Variants in RMST observed in about 807,000 individuals in gnomAD.
RMST encodes long intergenic non-protein coding RNA 54.
chr12:97,564,192 G>A, exon 14 of RMST: 2 of 221,504 alleles, frequency 9.0e-6, no homozygotes, highest in South Asian at 1.3e-4. Flanking sequence ...CAGTCGGGTA[G>A]GCAGCATTCA....
At chr12:97,502,857 G>A (rs1878238766) in intron 10 of RMST, among the ~76,000 whole-genome samples, 1 of 152,180 alleles carries the variant, frequency 6.6e-6, no homozygotes, top group South Asian at 2.1e-4. Flanking sequence ...AAATAAATAA[G>A]AGTTCTAAAT....
At chr12:97,532,126 T>C (rs1028832644) in intron 11 of RMST, among the ~76,000 whole-genome samples, 28 of 151,980 alleles carry the variant, frequency 1.8e-4, no homozygotes, top group African/African-American at 6.8e-4. Context: ...TAAAATTTAA[T>C]TTCATCAGTA....
chr12:97,521,056 G>A (rs1268772951), intron 10 of RMST, among the ~76,000 whole-genome samples: 2 of 152,174 alleles, frequency 1.3e-5, no homozygotes, highest in Admixed American at 6.5e-5. Flanking sequence ...TGTGAGGTGG[G>A]AGAGAAGGAA....
At chr12:97,483,769 C>T (rs1175964175) in intron 5 of RMST, among the ~76,000 whole-genome samples, 1 of 152,148 alleles carries the variant, frequency 6.6e-6, no homozygotes, top group Non-Finnish European at 1.5e-5. Context: ...TTAATTGATT[C>T]TTGTCATTTC....
intron 11 of RMST, among the ~76,000 whole-genome samples, chr12:97,538,875 A>G (rs1342605680): frequency 1.3e-5 from 2 of 151,442 alleles, no homozygotes; most frequent in African/African-American, 2.4e-5. Flanking sequence ...ATTTGTGAAA[A>G]TGATTCACAA....
intron 10 of RMST, among the ~76,000 whole-genome samples, chr12:97,525,910 G>A (rs1391665959): frequency 2.0e-5 from 3 of 152,046 alleles, no homozygotes; most frequent in African/African-American, 2.4e-5. Flanking sequence ...CAGTGGTGGC[G>A]TTAGATTCTC....
intron 10 of RMST, among the ~76,000 whole-genome samples, chr12:97,511,078 G>A (rs746158007): frequency 5.9e-5 from 9 of 151,730 alleles, no homozygotes; most frequent in African/African-American, 2.2e-4. Flanking sequence ...CTGGAGCAGA[G>A]GAGGGAAATT....
chr12:97,519,436 G>T (rs1383685379), intron 10 of RMST, among the ~76,000 whole-genome samples: 1 of 152,180 alleles, frequency 6.6e-6, no homozygotes, highest in African/African-American at 2.4e-5. Context: ...AAAAGCTAAT[G>T]CTTACCATTT....
chr12:97,495,240 G>A (rs1267361890), intron 9 of RMST, among the ~76,000 whole-genome samples: 3 of 151,918 alleles, frequency 2.0e-5, no homozygotes, highest in Admixed American at 2.0e-4. Context: ...GACTTTTGAT[G>A]TGTGAATTCT....
chr12:97,476,962 G>A (rs1048002980), intron 5 of RMST, among the ~76,000 whole-genome samples: 2 of 152,154 alleles, frequency 1.3e-5, no homozygotes, highest in African/African-American at 4.8e-5. Context: ...CTTTCCAGAG[G>A]TTGCTAGCAA....
At chr12:97,555,134 C>G (rs111744390) in intron 11 of RMST, among the ~76,000 whole-genome samples, 18 of 152,146 alleles carry the variant, frequency 1.2e-4, no homozygotes, top group Admixed American at 6.6e-5. Context: ...GCATGTCCCC[C>G]CCAAAAGACC....
intron 5 of RMST, among the ~76,000 whole-genome samples, chr12:97,474,276 G>A (rs944294026): frequency 6.6e-6 from 1 of 152,082 alleles, no homozygotes; most frequent in Non-Finnish European, 1.5e-5. Context: ...GGGAAGCAAG[G>A]TTCGCCATCC....
At chr12:97,542,073 C>A (rs551840763) in intron 11 of RMST, among the ~76,000 whole-genome samples, 5 of 151,912 alleles carry the variant, frequency 3.3e-5, no homozygotes, top group African/African-American at 9.6e-5. Flanking sequence ...AGCATTTATT[C>A]CTTTTTGCAC....
At chr12:97,491,961 A>C (rs373514239) in intron 5 of RMST, 1 of 533,588 alleles carries the variant, frequency 1.9e-6, no homozygotes, top group East Asian at 5.5e-5. Context: ...CGCTTTGCTC[A>C]GCCAGTGTAG....
intron 11 of RMST, among the ~76,000 whole-genome samples, chr12:97,559,633 T>TA (rs754706414): frequency 1.6e-4 from 24 of 152,182 alleles, no homozygotes; most frequent in Non-Finnish European, 2.8e-4. Context: ...TGCCTTTAGA[T>TA]ATTATTAGGA....
At chr12:97,523,815 T>A (rs12369705) in intron 10 of RMST, among the ~76,000 whole-genome samples, 1 of 151,970 alleles carries the variant, frequency 6.6e-6, no homozygotes, top group Non-Finnish European at 1.5e-5. Flanking sequence ...CAGTGGCTCA[T>A]GCCTGCAATC....
intron 10 of RMST, among the ~76,000 whole-genome samples, chr12:97,499,395 G>C (rs1877815513): frequency 6.6e-6 from 1 of 151,868 alleles, no homozygotes; most frequent in Non-Finnish European, 1.5e-5. Flanking sequence ...AATGTAACTT[G>C]TTTTACCTGT....
intron 10 of RMST, among the ~76,000 whole-genome samples, chr12:97,496,788 G>A (rs1393273680): frequency 6.6e-6 from 1 of 152,054 alleles, no homozygotes. Context: ...TTTTGGAGGG[G>A]ACTTCCCCTG....
chr12:97,531,892 T>A (rs1168641379), intron 11 of RMST, among the ~76,000 whole-genome samples: 1 of 152,010 alleles, frequency 6.6e-6, no homozygotes, highest in Non-Finnish European at 1.5e-5. Context: ...TCTATTTTAA[T>A]AAGCTCATTT....
Sources: allele counts gnomAD v4.1 joint callset (sites outside exome capture counted in the v4.1 genomes callset), GRCh38; gene constraint gnomAD v4.1.1; transcripts MANE v1.5; gene names NCBI Gene and HGNC (gene_info 2026-07-23, HGNC 2026-07-21).